Variants in SHTN1 observed in about 807,000 individuals in gnomAD.
The protein encoded by SHTN1 is shootin-1.
Under a neutral mutation model 83.1 loss-of-function variants are expected in SHTN1, and 42 were observed. That is an observed-to-expected ratio of 0.51 (90% CI 0.39 to 0.65). The LOEUF (loss-of-function observed/expected upper bound fraction) is 0.65. Among genes scored for constraint, SHTN1 ranks in the 30% least tolerant of loss-of-function variants. The pLI is 0.00. For missense variants in SHTN1, 622 were observed against 737.8 expected, an observed-to-expected ratio of 0.84 and a Z score of 1.82; for synonymous variants, 224 against 247.7, an observed-to-expected ratio of 0.90 and a Z score of 0.90.
At chr10:117,054,146 T>G (rs80032890) in intron 1 of SHTN1, among the ~76,000 whole-genome samples, 3,204 of 152,172 alleles carry the variant, frequency 0.021, 100 homozygotes, top group African/African-American at 0.07. Context: ...CCAGAGAAAT[T>G]GAATTCCCTG....
At chr10:116,960,041 A>G in intron 4 of SHTN1, 95 bp downstream of exon 4, 1 of 692,870 alleles carries the variant, frequency 1.4e-6, no homozygotes, top group Admixed American at 2.4e-5. Flanking sequence ...AATCGATTAG[A>G]GAAGTAGAAA....
chr10:116,889,780 C>T (rs1250389434), intron 16 of SHTN1, among the ~76,000 whole-genome samples: 2 of 152,194 alleles, frequency 1.3e-5, no homozygotes, highest in South Asian at 2.1e-4. Flanking sequence ...TTTCCGAATC[C>T]GTTTCCATCT....
chr10:117,057,105 A>C (rs1341186047), intron 1 of SHTN1, among the ~76,000 whole-genome samples: 1 of 152,226 alleles, frequency 6.6e-6, no homozygotes, highest in Admixed American at 6.5e-5. Context: ...ATGACTGTTT[A>C]CATAGAAAAT....
chr10:116,927,964 GAACAT>G, intron 10 of SHTN1, 73 bp from the exon 11 acceptor site: 1 of 1,518,032 alleles, frequency 6.6e-7, no homozygotes, highest in Non-Finnish European at 9.0e-7. Context: ...GTGAAAAAAA[GAACAT>G]AACCTTTCTC....
chr10:117,086,394 T>C (rs922207592), intron 1 of SHTN1, among the ~76,000 whole-genome samples: 12 of 152,336 alleles, frequency 7.9e-5, no homozygotes, highest in African/African-American at 2.6e-4. Flanking sequence ...TTTTAACCAC[T>C]CTGAGCGTCC....
intron 1 of SHTN1, among the ~76,000 whole-genome samples, chr10:117,118,850 G>A (rs1172157235): frequency 6.6e-6 from 1 of 152,122 alleles, no homozygotes; most frequent in Non-Finnish European, 1.5e-5. Context: ...CCTGGGTGAT[G>A]CGATGATCAG....
At position 116,891,200 on chromosome 10, in the gene SHTN1, G is replaced by C. The variant is rs563492877; in HGVS notation, c.1674-4634C>G. ...CAGTGAATGAACTTTTAAGCGGTGA[G>C]AGTTATTTTATAAAATGCTACCTCT... On this transcript the variant is annotated intron_variant, in intron 16 of 16. Transcript: ENST00000355371. Among the ~76,000 whole-genome samples the C allele has an allele frequency of 7.3e-4, 111 of 152,344 alleles. 2 individuals carry two copies. In the South Asian group the frequency reaches 0.022, roughly 30 times the overall value.
chr10:117,103,410 T>C (rs1853624620), intron 1 of SHTN1, among the ~76,000 whole-genome samples: 1 of 152,050 alleles, frequency 6.6e-6, no homozygotes, highest in African/African-American at 2.4e-5. Context: ...ATTTTTTACC[T>C]GACAGAAACA....
chr10:116,991,697 A>C (rs1851442272), intron 1 of SHTN1, among the ~76,000 whole-genome samples: 1 of 152,192 alleles, frequency 6.6e-6, no homozygotes, highest in African/African-American at 2.4e-5. Flanking sequence ...AACACCTCCC[A>C]TTAAGGTCTC....
At chr10:116,942,215 ATT>A (rs71013625) in intron 8 of SHTN1, among the ~76,000 whole-genome samples, 106 of 145,430 alleles carry the variant, frequency 7.3e-4, no homozygotes, top group Admixed American at 8.9e-4. Flanking sequence ...GATTACAGTA[ATT>A]TTTTTTTTTT....
At chr10:116,887,676 C>T (rs1847209733) in intron 16 of SHTN1, among the ~76,000 whole-genome samples, 1 of 152,144 alleles carries the variant, frequency 6.6e-6, no homozygotes, top group Non-Finnish European at 1.5e-5. Flanking sequence ...TTGGACTTAC[C>T]ACAATTGTTT....
intron 1 of SHTN1, among the ~76,000 whole-genome samples, chr10:117,110,350 GTTT>G (rs1247977003): frequency 6.6e-6 from 1 of 151,990 alleles, no homozygotes; most frequent in South Asian, 2.1e-4. Context: ...GTTTTGTTTT[GTTT>G]TTGTTTTTGT....
At chr10:116,929,827 G>C (rs1259457731) in intron 10 of SHTN1, 22 bp downstream of exon 10, 3 of 1,562,150 alleles carry the variant, frequency 1.9e-6, no homozygotes, top group Admixed American at 1.9e-5. Context: ...GTAAGACATA[G>C]TAGCCTACTC....
chr10:117,101,614 T>C lies in SHTN1; in HGVS notation c.-189+24693A>G, dbSNP rs148539535. ...TGGTCTCATGAGGACAGAACAGGGG[T>C]CAGTGGGTAAAAGTGTGGAACAAGG... On this transcript the variant is annotated intron_variant, in intron 1 of 17. Transcript: ENST00000392901. 4.6e-3 allele frequency among the ~76,000 whole-genome samples: 703 copies of C among 152,064 alleles called. 6 individuals carry two copies. Among genetic ancestry groups the C allele is most frequent in the South Asian group, 0.022 (107 of 4,814 alleles).
chr10:116,884,014 C>T lies in SHTN1; in HGVS notation c.*2330G>A, dbSNP rs893846518. 2.2e-5 allele frequency: 5 copies of T among 228,516 alleles called. No individual in the cohort carries two copies. The highest frequency in any genetic ancestry group is 5.1e-5 in the Admixed American group (1 of 19,796). 14.2% of individuals were successfully genotyped at this position (228,516 alleles called of 1,614,324 possible). On this transcript the variant is annotated 3_prime_UTR_variant, in exon 17 of 17. Coordinates refer to ENST00000355371, the MANE Select transcript of SHTN1 (RefSeq NM_001127211.3). ...TCGGGCTATAAAATGCATCAACATT[C>T]GTTTTTCTTAAAGAAAAAAAATCCT...
chr10:116,900,959 T>C, intron 16 of SHTN1: 1 of 985,328 alleles, frequency 1.0e-6, no homozygotes, highest in East Asian at 1.1e-4. Flanking sequence ...TTTGTCCAGG[T>C]TTCACCTTTT....
intron 2 of SHTN1, among the ~76,000 whole-genome samples, chr10:117,042,769 C>T (rs1261381881): frequency 6.6e-6 from 1 of 152,022 alleles, no homozygotes; most frequent in African/African-American, 2.4e-5. Context: ...GCGTACACCA[C>T]CACACCCAGC....
At chr10:116,998,949 T>C (rs571684160) in intron 1 of SHTN1, among the ~76,000 whole-genome samples, 52 of 152,308 alleles carry the variant, frequency 3.4e-4, no homozygotes, top group African/African-American at 1.2e-3. Context: ...TGTATTAAGC[T>C]AAACATGAGT....
intron 16 of SHTN1, chr10:116,900,446 T>C: frequency 8.3e-7 from 1 of 1,205,992 alleles, no homozygotes; most frequent in South Asian, 1.3e-5. Context: ...AATTATTTCA[T>C]TTCCTTTCTT....
Sources: gnomAD v4.1 joint callset for allele counts (sites outside exome capture counted in the v4.1 genomes callset) on GRCh38, gnomAD v4.1.1 for gene constraint, MANE v1.5 for transcripts, NCBI Gene and HGNC (gene_info 2026-07-23, HGNC 2026-07-21) for gene names.